Variants in SMLR1 observed in about 807,000 individuals in gnomAD.
The protein encoded by SMLR1 is small leucine-rich protein 1.
In SMLR1, 3 loss-of-function variants were observed where a neutral mutation model predicts 6.1. That is an observed-to-expected ratio of 0.49 (90% CI 0.22 to 1.28). The LOEUF (loss-of-function observed/expected upper bound fraction) is 1.28, where lower values mean the gene tolerates loss of function less well. Ranked by LOEUF, SMLR1 falls within the 50% of genes most tolerant of loss-of-function variation. The pLI, the probability that SMLR1 is intolerant of heterozygous loss-of-function variation, is 0.19. For synonymous variants in SMLR1, 55 were observed against 53.6 expected, an observed-to-expected ratio of 1.03 and a Z score of -0.11; for missense variants, 126 against 124.8, an observed-to-expected ratio of 1.01 and a Z score of -0.05.
At chr6:130,831,024 G>T (rs139029575) in intron 1 of SMLR1, among the ~76,000 whole-genome samples, 2 of 152,088 alleles carry the variant, frequency 1.3e-5, no homozygotes, top group African/African-American at 4.8e-5. Flanking sequence ...TTCACTTTAC[G>T]AACTCGCCCT....
intron 1 of SMLR1, among the ~76,000 whole-genome samples, chr6:130,832,083 C>T (rs1415684012): frequency 6.6e-6 from 1 of 152,100 alleles, no homozygotes; most frequent in African/African-American, 2.4e-5. Flanking sequence ...TAGCCAATCC[C>T]TGCATCAGCC....
chr6:130,832,368 A>T (rs1354166839), intron 1 of SMLR1, among the ~76,000 whole-genome samples: 1 of 152,226 alleles, frequency 6.6e-6, no homozygotes, highest in Admixed American at 6.5e-5. Context: ...CTTGGCCTTC[A>T]GCAACGCACA....
chr6:130,827,727 T>C lies in SMLR1; in HGVS notation c.238+76T>C, dbSNP rs879249502. On this transcript the variant is annotated intron_variant, in intron 1 of 1. Coordinates refer to ENST00000541421, the MANE Select transcript of SMLR1 (RefSeq NM_001195597.2). ...CATCTTGAAATATACCGATGCACTG[T>C]CAGTGTTTTCTGGCCAGGAGAAACA... 5 of 1,056,164 alleles carry C rather than the reference T, an allele frequency of 4.7e-6. No homozygotes were observed. The African/African-American group carries it at 4.8e-5, about 10-fold the overall frequency. The allele number at this position is 1,056,164 out of a possible 1,614,324, so 65.4% of individuals were successfully genotyped here.
chr6:130,835,021 G>T lies in SMLR1; in HGVS notation c.*66G>T. The T allele has an allele frequency of 8.1e-7, 1 of 1,227,426 alleles. No homozygotes were observed. The highest frequency in any genetic ancestry group is 1.2e-6 in the Non-Finnish European group (1 of 866,384). The allele number at this position is 1,227,426 out of a possible 1,614,324, so 76.0% of individuals were successfully genotyped here. A position where few individuals can be genotyped will look rare whatever the true frequency, so the allele number is the denominator to read the frequency against. On this transcript the variant is annotated 3_prime_UTR_variant, in exon 2 of 2. Coordinates refer to ENST00000541421, the MANE Select transcript of SMLR1 (RefSeq NM_001195597.2). ...ACTGGTCAGCAAGCAATGGCCAACAGTTCAGCTAATAAAGTAGGTTGATAA... is the reference window on the plus strand; with the variant it reads ...ACTGGTCAGCAAGCAATGGCCAACATTTCAGCTAATAAAGTAGGTTGATAA...
chr6:130,833,189 C>G (rs1233981853), intron 1 of SMLR1, among the ~76,000 whole-genome samples: 2 of 152,164 alleles, frequency 1.3e-5, no homozygotes, highest in Non-Finnish European at 2.9e-5. Flanking sequence ...TTTTACTTCT[C>G]TCACTCTCCA....
chr6:130,837,034 G>A lies in SMLR1; in HGVS notation c.*2079G>A, dbSNP rs974066463. The A allele has an allele frequency of 2.0e-5, 3 of 152,070 alleles. No individual in the cohort carries two copies. The highest frequency in any genetic ancestry group is 6.6e-5 in the Admixed American group (1 of 15,256). 9.4% of individuals were successfully genotyped at this position (152,070 alleles called of 1,614,324 possible). A position where few individuals can be genotyped will look rare whatever the true frequency, so the allele number is the denominator to read the frequency against. ...TCAATGGTCTCACTACAACAGTTCC[G>A]AATCTTATTCCAAATGCTATAGTAT... is the stretch of plus-strand genomic sequence containing the variant. On this transcript the variant is annotated 3_prime_UTR_variant, in exon 2 of 2. Transcript: ENST00000541421.
chr6:130,832,649 C>T (rs574163605), intron 1 of SMLR1, among the ~76,000 whole-genome samples: 97 of 152,170 alleles, frequency 6.4e-4, no homozygotes, highest in Non-Finnish European at 1.1e-3. Context: ...GTCATTATAG[C>T]ATTACAGTAG....
At chr6:130,828,743 G>C (rs1216706004) in intron 1 of SMLR1, among the ~76,000 whole-genome samples, 1 of 152,040 alleles carries the variant, frequency 6.6e-6, no homozygotes, top group African/African-American at 2.4e-5. Context: ...TCATTTTTAT[G>C]AACAGCCCTT....
At chr6:130,831,158 G>C (rs973966780) in intron 1 of SMLR1, among the ~76,000 whole-genome samples, 2 of 152,178 alleles carry the variant, frequency 1.3e-5, no homozygotes, top group Admixed American at 1.3e-4. Context: ...TTTTTGTTCT[G>C]TTGAGACTGA....
chr6:130,834,750 A>G (rs1774593641), intron 1 of SMLR1, 120 bp from the exon 2 acceptor site: 4 of 721,782 alleles, frequency 5.5e-6, no homozygotes, highest in Non-Finnish European at 9.5e-6. Flanking sequence ...GAAGACCTGG[A>G]CTTCTGTGAC....
chr6:130,832,340 T>C (rs543245097), intron 1 of SMLR1, among the ~76,000 whole-genome samples: 1 of 152,208 alleles, frequency 6.6e-6, no homozygotes, highest in South Asian at 2.1e-4. Flanking sequence ...AAAAAGAAAG[T>C]CAGGTAGTTA....
At chr6:130,833,392 G>A (rs1774530594) in intron 1 of SMLR1, among the ~76,000 whole-genome samples, 1 of 152,030 alleles carries the variant, frequency 6.6e-6, no homozygotes, top group South Asian at 2.1e-4. Context: ...GCACCCTATT[G>A]TGCAGTTAGC....
chr6:130,827,610 T>C lies in SMLR1; in HGVS notation c.197T>C (p.Leu66Pro). The change falls in exon 1 of 2, where the codon CTG becomes CCG. Residue 66 changes from leucine to proline, a missense_variant. By Grantham distance (98) the Leu-to-Pro change is moderately conservative. Coordinates refer to ENST00000541421, the MANE Select transcript of SMLR1 (RefSeq NM_001195597.2). Reference sequence around the variant, plus strand: ...GTCTTCCTCCCCGTGACTTTGCTGCTGCTCCTCCTCATCGCCTACTTCAGG... The same window carrying C: ...GTCTTCCTCCCCGTGACTTTGCTGCCGCTCCTCCTCATCGCCTACTTCAGG... ...FGVFLPVTLL[L>P]LLLIAYFRIK... The C allele has an allele frequency of 6.5e-7, 1 of 1,536,056 alleles. No individual in the cohort carries two copies. Among genetic ancestry groups the C allele is most frequent in the Non-Finnish European group, 8.7e-7 (1 of 1,146,854 alleles).
At chr6:130,834,143 A>G (rs1774562257) in intron 1 of SMLR1, among the ~76,000 whole-genome samples, 1 of 152,186 alleles carries the variant, frequency 6.6e-6, no homozygotes, top group South Asian at 2.1e-4. Context: ...TCAGGATCTC[A>G]GAAGGCATCT....
At chr6:130,828,378 GA>G (rs1282618567) in intron 1 of SMLR1, among the ~76,000 whole-genome samples, 1 of 152,090 alleles carries the variant, frequency 6.6e-6, no homozygotes, top group Non-Finnish European at 1.5e-5. Flanking sequence ...GTACACATGA[GA>G]TTAATATCAT....
chr6:130,836,516 T>C lies in SMLR1; in HGVS notation c.*1561T>C, dbSNP rs1029632239. On this transcript the variant is annotated 3_prime_UTR_variant, in exon 2 of 2. Transcript: ENST00000541421. ...CAGTTCCAGCTCTGGTGGGTGCTGG[T>C]CCACCATCTCAGCTATTGTGATAAC... The C allele has an allele frequency of 1.3e-5, 2 of 152,182 alleles. No individual in the cohort carries two copies. The highest frequency in any genetic ancestry group is 2.4e-5 in the African/African-American group (1 of 41,450). 9.4% of individuals were successfully genotyped at this position (152,182 alleles called of 1,614,324 possible). A position where few individuals can be genotyped will look rare whatever the true frequency, so the allele number is the denominator to read the frequency against.
At chr6:130,831,751 G>T in intron 1 of SMLR1, among the ~76,000 whole-genome samples, 1 of 152,152 alleles carries the variant, frequency 6.6e-6, no homozygotes, top group Non-Finnish European at 1.5e-5. Context: ...TAGATTAACT[G>T]GCATGTTCGC....
intron 1 of SMLR1, among the ~76,000 whole-genome samples, chr6:130,828,750 C>T (rs984879873): frequency 1.3e-5 from 2 of 152,072 alleles, no homozygotes; most frequent in African/African-American, 4.8e-5. Flanking sequence ...TATGAACAGC[C>T]CTTTTGCTGA....
chr6:130,827,422 C>G lies in SMLR1; in HGVS notation c.9C>G (p.Ser3Arg), dbSNP rs1774308561. 6.5e-7 allele frequency: 1 copy of G among 1,535,766 alleles called. No homozygotes were observed. The highest frequency in any genetic ancestry group is 1.2e-5 in the South Asian group (1 of 84,050). ML[S>R]KGRSPRRKQV... is the part of the protein sequence containing the mutation. ...AAAAATTCCACTGAGACATGCTGAG[C>G]AAAGGCCGGAGCCCCAGAAGAAAAC... is the stretch of plus-strand genomic sequence containing the variant. Residue 3 changes from serine to arginine, a missense_variant, in exon 1 of 2, where the codon AGC becomes AGG. Coordinates refer to ENST00000541421, the MANE Select transcript of SMLR1 (RefSeq NM_001195597.2).
Sources: allele counts gnomAD v4.1 joint callset (sites outside exome capture counted in the v4.1 genomes callset), GRCh38; gene constraint gnomAD v4.1.1; transcripts MANE v1.5; gene names NCBI Gene and HGNC (gene_info 2026-07-23, HGNC 2026-07-21).